Variants in RABGAP1L observed in about 807,000 individuals in gnomAD.
RABGAP1L encodes RAB GTPase activating protein 1 like.
A neutral mutation model predicts 137.7 loss-of-function variants in RABGAP1L; 63 were observed. That is an observed-to-expected ratio of 0.46 (90% confidence interval 0.37 to 0.56). The LOEUF is 0.56. Ranked by LOEUF, RABGAP1L falls within the 20% of genes least tolerant of loss-of-function variation. The probability of loss-of-function intolerance (pLI) is 0.00; values close to 1 mark genes in which losing one functional copy is unlikely to be tolerated. For missense variants in RABGAP1L, 1,095 were observed against 1,244.0 expected, an observed-to-expected ratio of 0.88 and a Z score of 1.80; for synonymous variants, 431 against 433.7, an observed-to-expected ratio of 0.99 and a Z score of 0.08.
At chr1:174,875,972 T>C (rs533258557) in intron 19 of RABGAP1L, among the ~76,000 whole-genome samples, 2 of 152,302 alleles carry the variant, frequency 1.3e-5, no homozygotes, top group Admixed American at 1.3e-4. Flanking sequence ...ATAAGCTTAT[T>C]AGATTTGCTT....
intron 14 of RABGAP1L, among the ~76,000 whole-genome samples, chr1:174,641,554 A>G (rs1674531733): frequency 6.6e-6 from 1 of 152,166 alleles, no homozygotes; most frequent in African/African-American, 2.4e-5. Flanking sequence ...TAGGTCAATA[A>G]CATATTTTAA....
chr1:174,882,670 C>T (rs139964895), intron 19 of RABGAP1L, among the ~76,000 whole-genome samples: 19 of 152,264 alleles, frequency 1.2e-4, no homozygotes, highest in Admixed American at 2.0e-4. Flanking sequence ...GACCCCTTTA[C>T]ATAAATTACA....
At chr1:174,422,614 A>C (rs1463886259) in intron 13 of RABGAP1L, among the ~76,000 whole-genome samples, 1 of 152,126 alleles carries the variant, frequency 6.6e-6, no homozygotes, top group Non-Finnish European at 1.5e-5. Context: ...ATTAATCTTA[A>C]ATCAGTCAGG....
At chr1:174,551,081 C>T (rs183223968) in intron 13 of RABGAP1L, among the ~76,000 whole-genome samples, 5 of 145,160 alleles carry the variant, frequency 3.4e-5, no homozygotes, top group Admixed American at 1.4e-4. Context: ...TGGTGGCACA[C>T]GCATGTAGTC....
At chr1:174,347,377 T>C (rs1276520867) in intron 11 of RABGAP1L, among the ~76,000 whole-genome samples, 8 of 152,014 alleles carry the variant, frequency 5.3e-5, no homozygotes, top group Non-Finnish European at 7.4e-5. Context: ...TTGGTTTATA[T>C]ATCTGGGTGC....
At position 174,304,927 on chromosome 1, in the gene RABGAP1L, A is replaced by G. The variant is rs115229836; in HGVS notation, c.1324-59A>G. The G allele has an allele frequency of 1.3e-3, 1,747 of 1,385,312 alleles. 20 individuals carry two copies. In the African/African-American group the frequency reaches 0.024, roughly 19 times the overall value. The allele number at this position is 1,385,312 out of a possible 1,614,324, so 85.8% of individuals were successfully genotyped here. Reference sequence around the variant, plus strand: ...CTTTTGAATGCATTATTTAAATACTATCTTTCAATGTTTCCTTCAGATTTC... The same window carrying G: ...CTTTTGAATGCATTATTTAAATACTGTCTTTCAATGTTTCCTTCAGATTTC... On this transcript the variant is annotated intron_variant, in intron 10 of 25. Transcript: ENST00000681986.
chr1:174,859,966 TTTTTTTTTTTC>T (rs1650002449), intron 19 of RABGAP1L, among the ~76,000 whole-genome samples: 1 of 128,776 alleles, frequency 7.8e-6, no homozygotes. Flanking sequence ...TTTTTTTTTT[TTTTTTTTTTTC>T]CAAATAAAGT....
chr1:174,694,827 G>T (rs1679130552), intron 15 of RABGAP1L, among the ~76,000 whole-genome samples: 1 of 151,390 alleles, frequency 6.6e-6, no homozygotes, highest in African/African-American at 2.4e-5. Flanking sequence ...CAGTGTAAAA[G>T]TGTTCCTATT....
At chr1:174,800,707 G>A (rs1275149101) in intron 18 of RABGAP1L, among the ~76,000 whole-genome samples, 5 of 152,082 alleles carry the variant, frequency 3.3e-5, no homozygotes, top group African/African-American at 4.8e-5. Flanking sequence ...GGAGATCATG[G>A]CTCTTTTCTC....
At chr1:174,858,954 TTGA>T (rs1649761036) in intron 19 of RABGAP1L, among the ~76,000 whole-genome samples, 1 of 152,218 alleles carries the variant, frequency 6.6e-6, no homozygotes, top group Admixed American at 6.5e-5. Flanking sequence ...TTTTACACTG[TTGA>T]TGGGAGTGTA....
intron 7 of RABGAP1L, among the ~76,000 whole-genome samples, chr1:174,271,117 A>G (rs773486546): frequency 6.6e-6 from 1 of 152,100 alleles, no homozygotes; most frequent in African/African-American, 2.4e-5. Context: ...ACTAGAGTAT[A>G]ATTATTTCTC....
rs541644169 is a variant in RABGAP1L, at chr1:174,837,524, C to G, written c.2340+25564C>G. Among the ~76,000 whole-genome samples, 3 of 152,222 alleles carry G rather than the reference C, an allele frequency of 2.0e-5. No individual in the cohort carries two copies. In the South Asian group the frequency reaches 6.2e-4, roughly 32 times the overall value. ...ACAGGGACAGGTGGAAGAGCATGCC[C>G]CCATGAGAGCTTTAAAGGAATACAT... is the stretch of plus-strand genomic sequence containing the variant. On this transcript the variant is annotated intron_variant, in intron 19 of 25. Transcript: ENST00000681986.
intron 1 of RABGAP1L, among the ~76,000 whole-genome samples, chr1:174,187,054 G>A (rs900837846): frequency 1.1e-4 from 16 of 152,120 alleles, no homozygotes; most frequent in Non-Finnish European, 1.6e-4. Flanking sequence ...TCCGAAACTT[G>A]CCTCAGCGCC....
Position 174,988,704 on chromosome 1 carries a change from G to A in RABGAP1L, c.2869G>A (p.Ala957Thr). The A allele has an allele frequency of 1.3e-6, 2 of 1,548,498 alleles. No homozygotes were observed. Among genetic ancestry groups the A allele is most frequent in the Non-Finnish European group, 1.7e-6 (2 of 1,146,044 alleles). Residue 957 changes from alanine (A) to threonine (T), a missense_variant, in exon 25 of 26, where the codon GCA becomes ACA. By Grantham distance (58) the Ala-to-Thr change is moderately conservative (BLOSUM62 0). Coordinates refer to ENST00000681986, the MANE Select transcript of RABGAP1L (RefSeq NM_001366446.1). ...CAGCAAGGAGGGTGCTTTGAAACTA[G>A]CAGCCACAGGCAGAGAGGACCAGGG... ...IFSKEGALKL[A>T]ATGREDQGIE... is the part of the protein sequence containing the mutation.
At chr1:174,642,935 C>T (rs1674662115) in intron 14 of RABGAP1L, among the ~76,000 whole-genome samples, 2 of 151,946 alleles carry the variant, frequency 1.3e-5, no homozygotes, top group South Asian at 4.2e-4. Flanking sequence ...CAGGCACGCA[C>T]CACCACTCTG....
intron 18 of RABGAP1L, among the ~76,000 whole-genome samples, chr1:174,797,562 TG>T (rs1465549255): frequency 1.9e-5 from 1 of 51,624 alleles, no homozygotes; most frequent in Admixed American, 2.8e-4. Context: ...CAGGAGGGTG[TG>T]GGGGGTGTGA....
intron 19 of RABGAP1L, among the ~76,000 whole-genome samples, chr1:174,887,982 A>G (rs1379732266): frequency 6.6e-6 from 1 of 152,136 alleles, no homozygotes; most frequent in African/African-American, 2.4e-5. Context: ...GGTTGCAGTG[A>G]GCTGAGATCA....
chr1:174,881,500 T>TTTTC (rs1226859095), intron 19 of RABGAP1L, among the ~76,000 whole-genome samples: 1 of 145,956 alleles, frequency 6.9e-6, no homozygotes, highest in African/African-American at 2.6e-5. Flanking sequence ...TGCTTTTTTT[T>TTTTC]TTTTTTTTTT....
intron 19 of RABGAP1L, chr1:174,938,468 AGAGT>A (rs1665280770): frequency 6.6e-6 from 1 of 152,230 alleles, no homozygotes; most frequent in African/African-American, 2.4e-5. Context: ...AGTTTGTGAC[AGAGT>A]GAGTTGATGA....
Sources: allele counts gnomAD v4.1 joint callset (sites outside exome capture counted in the v4.1 genomes callset), GRCh38; gene constraint gnomAD v4.1.1; transcripts MANE v1.5; gene names NCBI Gene and HGNC (gene_info 2026-07-23, HGNC 2026-07-21).